The following SNX24 variants were observed in gnomAD, a reference collection of about 807,000 sequenced individuals.
SNX24 encodes sorting nexin 24, also known as sorting nexin-24.
A neutral mutation model predicts 28.7 loss-of-function variants in SNX24; 22 were observed. The ratio of observed to expected loss-of-function variants is 0.77; its 90% CI spans 0.55 to 1.10. The LOEUF (loss-of-function observed/expected upper bound fraction) is 1.10. SNX24 is among the 50% of genes least tolerant of loss of function. The pLI, the probability that SNX24 is intolerant of heterozygous loss-of-function variation, is 0.00. For synonymous variants in SNX24, 69 were observed against 71.5 expected (o/e 0.96, Z 0.18); for missense variants, 221 against 201.1 (o/e 1.10, Z -0.60).
intron 1 of SNX24, among the ~76,000 whole-genome samples, chr5:122,913,334 G>C (rs1472057619): frequency 3.0e-4 from 46 of 151,252 alleles, no homozygotes; most frequent in African/African-American, 1.1e-3. Context: ...GGGGCGGCTG[G>C]CCGGGCGGGG....
At chr5:122,965,430 G>T in intron 3 of SNX24, 1 of 455,458 alleles carries the variant, frequency 2.2e-6, no homozygotes, top group Non-Finnish European at 4.4e-6. Context: ...TGTTTGTTTT[G>T]TTCCCTCCCA....
chr5:122,940,628 G>C (rs996533865), intron 2 of SNX24, among the ~76,000 whole-genome samples: 2 of 152,140 alleles, frequency 1.3e-5, no homozygotes, highest in East Asian at 3.9e-4. Context: ...CTGGAGTGCA[G>C]TGGTGCAATC....
At position 122,964,018 on chromosome 5, in the gene SNX24, A is replaced by C. The variant is rs1003390439; in HGVS notation, c.249+17859A>C. 2.0e-5 allele frequency among the ~76,000 whole-genome samples: 3 copies of C among 152,018 alleles called. No individual in the cohort carries two copies. The East Asian group carries it at 5.8e-4, about 29-fold the overall frequency. ...AGGACTTCGGGAGGCTGAGGTGGGCAGATCACAAGGTCAGGAGTTCGAGAG... is the reference window on the plus strand; with the variant it reads ...AGGACTTCGGGAGGCTGAGGTGGGCCGATCACAAGGTCAGGAGTTCGAGAG... On this transcript the variant is annotated intron_variant, in intron 3 of 6. Transcript: ENST00000261369.
At chr5:122,914,280 T>C (rs879079559) in intron 1 of SNX24, among the ~76,000 whole-genome samples, 1 of 152,232 alleles carries the variant, frequency 6.6e-6, no homozygotes, top group Non-Finnish European at 1.5e-5. Context: ...TTTTGATGTG[T>C]TGCTGGATTC....
At chr5:122,871,072 A>G (rs1284346591) in intron 1 of SNX24, among the ~76,000 whole-genome samples, 2 of 152,194 alleles carry the variant, frequency 1.3e-5, no homozygotes, top group South Asian at 2.1e-4. Context: ...TGTTATGAAC[A>G]GTGGAAGGTG....
At chr5:122,953,800 C>T (rs1581792007) in intron 3 of SNX24, among the ~76,000 whole-genome samples, 2 of 151,990 alleles carry the variant, frequency 1.3e-5, no homozygotes, top group South Asian at 2.1e-4. Flanking sequence ...TTTTTGTAAA[C>T]AGTAATTAAA....
At chr5:122,854,561 A>G (rs1025794803) in intron 1 of SNX24, among the ~76,000 whole-genome samples, 1 of 152,134 alleles carries the variant, frequency 6.6e-6, no homozygotes, top group Non-Finnish European at 1.5e-5. Context: ...TTATGTAAAA[A>G]AAAAATCTTA....
chr5:123,029,043 A>G, intron 5 of SNX24: 1 of 813,784 alleles, frequency 1.2e-6, no homozygotes, highest in South Asian at 1.9e-5. Flanking sequence ...CAAAAAATAA[A>G]TATGTTATGG....
rs76782808 is a variant in SNX24 at position 122,899,373 on chromosome 5, C to T, written c.61-37361C>T. On this transcript the variant is annotated intron_variant, in intron 1 of 6. Transcript: ENST00000261369. ...TTTGCACCAGAAAAAATTAGTTCAACATACAGTCTATCAGTAATGCTTCTG... is the reference window on the plus strand; with the variant it reads ...TTTGCACCAGAAAAAATTAGTTCAATATACAGTCTATCAGTAATGCTTCTG... 1.5e-3 allele frequency among the ~76,000 whole-genome samples: 235 copies of T among 152,278 alleles called. 3 individuals are homozygous for T. The East Asian group carries it at 0.036, about 23-fold the overall frequency.
At chr5:122,853,378 C>T (rs942880404) in intron 1 of SNX24, among the ~76,000 whole-genome samples, 5 of 152,228 alleles carry the variant, frequency 3.3e-5, no homozygotes, top group African/African-American at 7.2e-5. Context: ...CCACCCGCCT[C>T]GGCCTCCCAA....
chr5:123,020,464 T>C (rs1762746648), intron 5 of SNX24, among the ~76,000 whole-genome samples: 1 of 152,228 alleles, frequency 6.6e-6, no homozygotes, highest in Admixed American at 6.5e-5. Flanking sequence ...CATGTTACTC[T>C]GAGTTCTCTA....
At chr5:122,878,347 G>A (rs2150058200) in intron 1 of SNX24, among the ~76,000 whole-genome samples, 1 of 152,230 alleles carries the variant, frequency 6.6e-6, no homozygotes, top group East Asian at 1.9e-4. Flanking sequence ...AGGGGCCAGT[G>A]GGAAATGGAA....
chr5:123,024,054 C>A, intron 5 of SNX24: 1 of 1,577,130 alleles, frequency 6.3e-7, no homozygotes, highest in South Asian at 1.2e-5. Flanking sequence ...GCAGCTATAG[C>A]AATCCAAAGG....
intron 5 of SNX24, among the ~76,000 whole-genome samples, chr5:123,015,925 G>A (rs1324639480): frequency 6.6e-6 from 1 of 151,894 alleles, no homozygotes. Flanking sequence ...GCAAATAACA[G>A]GATGACTGGA....
chr5:122,931,518 TA>T (rs1758956733), intron 1 of SNX24, among the ~76,000 whole-genome samples: 1 of 152,178 alleles, frequency 6.6e-6, no homozygotes, highest in Non-Finnish European at 1.5e-5. Flanking sequence ...CTTGAATGTT[TA>T]TTCCTGCTAA....
chr5:122,951,279 AAAAG>A (rs1211104278), intron 3 of SNX24, among the ~76,000 whole-genome samples: 2 of 150,274 alleles, frequency 1.3e-5, no homozygotes, highest in African/African-American at 4.9e-5. Context: ...AAAAAAAAAA[AAAAG>A]AAAAAGAAAA....
intron 3 of SNX24, among the ~76,000 whole-genome samples, chr5:122,965,252 G>A (rs576088723): frequency 6.6e-6 from 1 of 152,176 alleles, no homozygotes; most frequent in Non-Finnish European, 1.5e-5. Context: ...GAATTTTCCT[G>A]GTGTAACCTT....
intron 1 of SNX24, among the ~76,000 whole-genome samples, chr5:122,894,847 C>G (rs554776157): frequency 1.3e-5 from 2 of 152,036 alleles, no homozygotes; most frequent in South Asian, 2.1e-4. Context: ...TGGGGTGAGA[C>G]AAATATATGG....
intron 3 of SNX24, among the ~76,000 whole-genome samples, chr5:122,988,452 C>T (rs141780820): frequency 1.3e-5 from 2 of 152,282 alleles, no homozygotes; most frequent in Non-Finnish European, 2.9e-5. Context: ...TTTTAACTTG[C>T]TAGAATATTA....
Sources: gnomAD v4.1 joint callset for allele counts (sites outside exome capture counted in the v4.1 genomes callset) on GRCh38, gnomAD v4.1.1 for gene constraint, MANE v1.5 for transcripts, NCBI Gene and HGNC (gene_info 2026-07-23, HGNC 2026-07-21) for gene names.